The following UBE2L3 variants were observed in gnomAD, a reference collection of about 807,000 sequenced individuals.
The protein encoded by UBE2L3 is ubiquitin conjugating enzyme E2 L3.
A neutral mutation model predicts 17.8 loss-of-function variants in UBE2L3; 1 was observed. The observed-to-expected ratio is 0.06, with a 90% CI of 0.02 to 0.27. The LOEUF (loss-of-function observed/expected upper bound fraction) is 0.27, where lower values mean the gene tolerates loss of function less well. Among genes scored for constraint, UBE2L3 ranks in the 10% least tolerant of loss-of-function variants. The pLI is 1.00. For synonymous variants in UBE2L3, 44 were observed against 68.5 expected, an observed-to-expected ratio of 0.64 and a Z score of 1.76; for missense variants, 40 against 192.6, an observed-to-expected ratio of 0.21 and a Z score of 4.69.
At chr22:21,580,554 G>C (rs1429080293) in intron 1 of UBE2L3, among the ~76,000 whole-genome samples, 1 of 151,680 alleles carries the variant, frequency 6.6e-6, no homozygotes, top group Admixed American at 6.6e-5. Context: ...AGTTAAAGCA[G>C]TTCTCCTGCC....
chr22:21,601,828 C>T (rs74402687), intron 2 of UBE2L3, among the ~76,000 whole-genome samples: 7 of 151,584 alleles, frequency 4.6e-5, no homozygotes, highest in Admixed American at 3.3e-4. Flanking sequence ...AAAAATTAGC[C>T]GGGCGTGGTG....
intron 3 of UBE2L3, chr22:21,614,471 C>A (rs1929662611): frequency 1.0e-5 from 8 of 798,966 alleles, no homozygotes; most frequent in Non-Finnish European, 1.5e-5. Flanking sequence ...GCCACTTGTG[C>A]CACCCTCCTG....
At chr22:21,562,832 C>T (rs1926492987), upstream of UBE2L3, among the ~76,000 whole-genome samples, 2 of 151,074 alleles carry the variant, frequency 1.3e-5, no homozygotes, top group African/African-American at 4.9e-5. Context: ...TGGACCTGGG[C>T]CCAAGGCCTA....
chr22:21,615,793 G>T (rs556564711), intron 3 of UBE2L3, among the ~76,000 whole-genome samples: 2 of 152,334 alleles, frequency 1.3e-5, no homozygotes, highest in African/African-American at 4.8e-5. Context: ...ACGTGTTCCA[G>T]CTGAGGTTGT....
At chr22:21,589,649 T>C (rs1034329) in intron 1 of UBE2L3, among the ~76,000 whole-genome samples, 33,015 of 152,070 alleles carry the variant, frequency 0.22, 4,397 homozygotes, top group East Asian at 0.51. Flanking sequence ...GAGTCGTATC[T>C]GGATGCCAGC....
Position 21,567,729 on chromosome 22 carries a change from C to G in UBE2L3, c.-16C>G, listed in dbSNP as rs376047001. 2 of 1,579,430 alleles carry G rather than the reference C, an allele frequency of 1.3e-6. No individual in the cohort carries two copies. The highest frequency in any genetic ancestry group is 1.9e-5 in the Admixed American group (1 of 52,638). Reference sequence around the variant, plus strand: ...GCCGCGATGCATTCTGGGGAAGGAGCAGCACCAAATCCAAGATGGCGGCCA... The same window carrying G: ...GCCGCGATGCATTCTGGGGAAGGAGGAGCACCAAATCCAAGATGGCGGCCA... On this transcript the variant is annotated 5_prime_UTR_variant, in exon 1 of 4. Coordinates refer to ENST00000342192, the MANE Select transcript of UBE2L3 (RefSeq NM_003347.4).
chr22:21,593,053 C>T (rs1398144419), intron 2 of UBE2L3, 97 bp downstream of exon 2: 1 of 1,041,028 alleles, frequency 9.6e-7, no homozygotes, highest in East Asian at 2.5e-5. Flanking sequence ...GGCTCTTAGT[C>T]TAGGCAGCCA....
At chr22:21,596,354 A>G (rs1420234264) in intron 2 of UBE2L3, among the ~76,000 whole-genome samples, 2 of 151,680 alleles carry the variant, frequency 1.3e-5, no homozygotes, top group East Asian at 3.9e-4. Context: ...CACCCAGCCA[A>G]TTTCTTTTTA....
At chr22:21,592,769 G>A (rs990975720) in intron 1 of UBE2L3, 92 bp from the exon 2 acceptor site, 11 of 1,002,666 alleles carry the variant, frequency 1.1e-5, no homozygotes, top group Admixed American at 1.9e-5. Context: ...TAGCATTTTT[G>A]GCACTTGGTT....
At chr22:21,586,570 CTTTT>C (rs77935916) in intron 1 of UBE2L3, among the ~76,000 whole-genome samples, 1 of 138,184 alleles carries the variant, frequency 7.2e-6, no homozygotes, top group Non-Finnish European at 1.6e-5. Context: ...TGCACCCAGC[CTTTT>C]TTTTTTTTTT....
intron 2 of UBE2L3, among the ~76,000 whole-genome samples, chr22:21,610,443 A>T (rs1210908488): frequency 3.3e-5 from 5 of 152,196 alleles, no homozygotes; most frequent in Admixed American, 6.5e-5. Context: ...GCTGAGTGGT[A>T]ATGATGTGTT....
At chr22:21,591,438 C>G (rs1467709629) in intron 1 of UBE2L3, among the ~76,000 whole-genome samples, 2 of 152,174 alleles carry the variant, frequency 1.3e-5, no homozygotes, top group African/African-American at 4.8e-5. Flanking sequence ...GTGCCTGTTG[C>G]CTGCTATGAA....
chr22:21,613,398 G>A (rs898927310), intron 3 of UBE2L3, among the ~76,000 whole-genome samples: 1 of 152,140 alleles, frequency 6.6e-6, no homozygotes, highest in Admixed American at 6.5e-5. Flanking sequence ...GTTGACTTGG[G>A]ATTTTTAAGG....
chr22:21,554,779 CT>C (rs1034060048), intron 1 of UBE2L3, among the ~76,000 whole-genome samples: 18 of 146,806 alleles, frequency 1.2e-4, no homozygotes, highest in South Asian at 8.6e-4. Flanking sequence ...GAGATGGTTT[CT>C]TTTTTTTTTC....
At chr22:21,572,461 C>CTCTTG (rs1164713158) in intron 1 of UBE2L3, among the ~76,000 whole-genome samples, 7 of 145,320 alleles carry the variant, frequency 4.8e-5, no homozygotes, top group Non-Finnish European at 1.1e-4. Flanking sequence ...GAGACAAAAA[C>CTCTTG]TCTTGTCTCA....
At chr22:21,615,894 CT>C (rs1929744740) in intron 3 of UBE2L3, among the ~76,000 whole-genome samples, 1 of 152,158 alleles carries the variant, frequency 6.6e-6, no homozygotes, top group South Asian at 2.1e-4. Context: ...GGATTTTGTG[CT>C]TTTTGTTGGT....
At chr22:21,602,663 A>G (rs1042635110) in intron 2 of UBE2L3, among the ~76,000 whole-genome samples, 1 of 152,230 alleles carries the variant, frequency 6.6e-6, no homozygotes, top group African/African-American at 2.4e-5. Context: ...GCTTCCTCTT[A>G]GTCTTAGCTG....
chr22:21,582,339 G>A (rs1477787089), intron 1 of UBE2L3, among the ~76,000 whole-genome samples: 1 of 150,808 alleles, frequency 6.6e-6, no homozygotes, highest in Non-Finnish European at 1.5e-5. Flanking sequence ...TATGAATGTG[G>A]TGGGTTTTTT....
Position 21,568,049 on chromosome 22 carries a change from C to T in UBE2L3, c.27+278C>T, listed in dbSNP as rs554948162. 9.7e-4 allele frequency: 1,240 copies of T among 1,280,282 alleles called. 10 individuals carry two copies. The African/African-American group carries it at 0.018, about 18-fold the overall frequency. 79.3% of individuals were successfully genotyped at this position (1,280,282 alleles called of 1,614,324 possible). On this transcript the variant is annotated intron_variant, in intron 1 of 3. Transcript: ENST00000342192. Reference sequence around the variant, plus strand: ...TCCGCCCGGAGCTTGGCCGCGTCCCCCTGTCGCGGAGGCCGCGGTCCGATC... The same window carrying T: ...TCCGCCCGGAGCTTGGCCGCGTCCCTCTGTCGCGGAGGCCGCGGTCCGATC...
Sources: gnomAD v4.1 joint callset for allele counts (sites outside exome capture counted in the v4.1 genomes callset) on GRCh38, gnomAD v4.1.1 for gene constraint, MANE v1.5 for transcripts, NCBI Gene and HGNC (gene_info 2026-07-23, HGNC 2026-07-21) for gene names.